MAP7: variants seen among roughly 807,000 people sequenced by gnomAD.
MAP7 encodes the protein ensconsin.
A neutral mutation model predicts 94.8 loss-of-function variants in MAP7; 52 were observed. The observed-to-expected ratio is 0.55, with a 90% confidence interval of 0.44 to 0.69. MAP7 has a LOEUF of 0.69. Ranked by LOEUF, MAP7 falls within the 30% of genes least tolerant of loss-of-function variation. The probability of loss-of-function intolerance (pLI) is 0.00; values close to 1 mark genes in which losing one functional copy is unlikely to be tolerated. For missense variants in MAP7, 940 were observed against 964.6 expected (o/e 0.97, Z 0.34); for synonymous variants, 350 against 357.0 (o/e 0.98, Z 0.22).
intron 1 of MAP7, among the ~76,000 whole-genome samples, chr6:136,511,292 TCTACTGTGGTGTCACAGAAGAATCAGAG>T (rs1361357283): frequency 1.3e-5 from 2 of 152,156 alleles, no homozygotes; most frequent in African/African-American, 4.8e-5. Flanking sequence ...GATAGGATTT[TCTACTGTGGTGTCACAGAAGAATCAGAG>T]CTAGCAAATT....
intron 1 of MAP7, among the ~76,000 whole-genome samples, chr6:136,542,886 G>A (rs1829442432): frequency 6.6e-6 from 1 of 152,160 alleles, no homozygotes; most frequent in Non-Finnish European, 1.5e-5. Context: ...ATTTTACTTT[G>A]AGGTGATTAC....
Position 136,361,037 on chromosome 6 carries a change from C to A in MAP7, c.1669G>T (p.Glu557Ter). ...TGGGCGCGCTCTGCCTCCTCCCGCT[C>A]GCGCAGCGCCCGCTCCTCCGCCTGC... ...QRQAEERALR[E>*]REEAERAQRQ... The change falls in exon 12 of 18, where the codon GAG becomes TAG. Residue 557 changes from glutamate (E) to a stop codon, truncating the protein, a stop_gained. Coordinates refer to ENST00000354570, the MANE Select transcript of MAP7 (RefSeq NM_003980.6). LOFTEE classifies it high-confidence loss of function. 1 of 1,580,834 alleles carries A rather than the reference C, an allele frequency of 6.3e-7. No homozygotes were observed. The highest frequency in any genetic ancestry group is 8.5e-7 in the Non-Finnish European group (1 of 1,169,600).
At chr6:136,514,643 A>G (rs1490581020) in intron 1 of MAP7, among the ~76,000 whole-genome samples, 1 of 151,448 alleles carries the variant, frequency 6.6e-6, no homozygotes, top group Non-Finnish European at 1.5e-5. Flanking sequence ...CATCTCCATC[A>G]GGGTGACCTG....
chr6:136,349,818 G>A (rs72975582), intron 16 of MAP7, among the ~76,000 whole-genome samples: 2,969 of 152,204 alleles, frequency 0.02, 51 homozygotes, highest in Middle Eastern at 0.027. Context: ...GGGGCCAGGC[G>A]TCTCACTCAG....
intron 3 of MAP7, among the ~76,000 whole-genome samples, chr6:136,397,256 G>C (rs1013806757): frequency 1.3e-5 from 2 of 151,694 alleles, no homozygotes; most frequent in African/African-American, 4.8e-5. Context: ...TTTATTATAA[G>C]AGATTTAATA....
chr6:136,371,529 T>A (rs1774505034), intron 8 of MAP7, among the ~76,000 whole-genome samples: 1 of 152,256 alleles, frequency 6.6e-6, no homozygotes, highest in Non-Finnish European at 1.5e-5. Flanking sequence ...GGCAAAGCCA[T>A]CAAGCTCTCA....
Position 136,344,179 on chromosome 6 carries a change from T to G in MAP7, c.*49A>C. 1 of 1,043,948 alleles carries G rather than the reference T, an allele frequency of 9.6e-7. No individual in the cohort carries two copies. The highest frequency in any genetic ancestry group is 1.3e-6 in the Non-Finnish European group (1 of 758,640). 64.7% of individuals were successfully genotyped at this position (1,043,948 alleles called of 1,614,324 possible). ...TATAGCAGGAAAGGAATTCCATTAA[T>G]TGTAGAAATTCTCATTAAATTTCAG... On this transcript the variant is annotated 3_prime_UTR_variant, in exon 18 of 18. Transcript: ENST00000354570.
chr6:136,356,090 T>A (rs1300193062), intron 16 of MAP7, among the ~76,000 whole-genome samples: 2 of 152,244 alleles, frequency 1.3e-5, no homozygotes, highest in Non-Finnish European at 1.5e-5. Flanking sequence ...ATGCAATTGT[T>A]ATATACCATT....
Position 136,394,931 on chromosome 6 carries a change from CATATATATATATATATATAT to C in MAP7, c.245-5434_245-5415del, listed in dbSNP as rs144839767. Among the ~76,000 whole-genome samples the C allele has an allele frequency of 1.2e-3, 34 of 27,498 alleles. 1 individual carries two copies. The highest frequency in any genetic ancestry group is 2.4e-3 in the East Asian group (2 of 822). The allele number at this position is 27,498 out of a possible 152,430, so 18.0% of individuals were successfully genotyped here. ...TTTTTATGGTTGAATAATATTCCAT[CATATATATATATATATATAT>C]ATATATATATATATATATATCACAT... On this transcript the variant is annotated intron_variant, in intron 3 of 17. Coordinates refer to ENST00000354570, the MANE Select transcript of MAP7 (RefSeq NM_003980.6).
intron 1 of MAP7, among the ~76,000 whole-genome samples, chr6:136,469,665 C>G (rs893128424): frequency 3.9e-5 from 6 of 152,146 alleles, no homozygotes; most frequent in African/African-American, 1.4e-4. Flanking sequence ...GGATTACAGG[C>G]ATGAGCCACT....
chr6:136,439,545 C>T (rs1385874392), intron 1 of MAP7, among the ~76,000 whole-genome samples: 1 of 152,152 alleles, frequency 6.6e-6, no homozygotes, highest in East Asian at 1.9e-4. Flanking sequence ...CTAGGACGCG[C>T]TTAGATGAAT....
intron 1 of MAP7, among the ~76,000 whole-genome samples, chr6:136,499,122 G>A (rs1386089517): frequency 6.6e-6 from 1 of 152,090 alleles, no homozygotes; most frequent in Non-Finnish European, 1.5e-5. Context: ...GTTTCACCAT[G>A]TTGGCCAGGC....
chr6:136,435,042 C>T (rs956780112), intron 1 of MAP7, among the ~76,000 whole-genome samples: 1 of 152,220 alleles, frequency 6.6e-6, no homozygotes. Flanking sequence ...ATGAAGAGCT[C>T]AGCTAACACT....
chr6:136,350,521 G>A (rs902799064), intron 16 of MAP7, among the ~76,000 whole-genome samples: 6 of 152,224 alleles, frequency 3.9e-5, no homozygotes, highest in African/African-American at 1.4e-4. Flanking sequence ...GTTTATTCAT[G>A]AATGGGAAGC....
rs1483166610 is a variant in MAP7, at chr6:136,345,965, G to A, written c.2130C>T (p.Thr710=). ...IGSKPSRLDV[T]NSESPEIPLN... is the part of the protein sequence containing the mutation. ...AAGGAATTTCTGGGCTCTCACTGTT[G>A]GTGACATCTAATCTGGATGGTTTAG... is the stretch of plus-strand genomic sequence containing the variant. The change falls in exon 17 of 18, where the codon ACC becomes ACT. Residue 710 remains threonine, a synonymous_variant. Transcript: ENST00000354570. 1.9e-6 allele frequency: 3 copies of A among 1,613,550 alleles called. No individual in the cohort carries two copies. The Admixed American group carries it at 5.0e-5, about 27-fold the overall frequency.
intron 8 of MAP7, 90 bp downstream of exon 8, chr6:136,372,411 C>A: frequency 2.0e-6 from 3 of 1,470,844 alleles, no homozygotes; most frequent in Non-Finnish European, 2.8e-6. Context: ...CCCCCTCTTA[C>A]GCCCACACCA....
intron 1 of MAP7, among the ~76,000 whole-genome samples, chr6:136,549,191 T>TC (rs1301458638): frequency 6.6e-6 from 1 of 152,208 alleles, no homozygotes; most frequent in Non-Finnish European, 1.5e-5. Context: ...AAAATAAGCA[T>TC]ACTTGATGGT....
At chr6:136,541,580 C>G (rs569386327) in intron 1 of MAP7, among the ~76,000 whole-genome samples, 3 of 152,298 alleles carry the variant, frequency 2.0e-5, no homozygotes, top group East Asian at 3.9e-4. Flanking sequence ...CTGCTCCCAG[C>G]CTCCTCCCTG....
chr6:136,507,996 C>T (rs1358209445), intron 1 of MAP7, among the ~76,000 whole-genome samples: 2 of 152,156 alleles, frequency 1.3e-5, no homozygotes, highest in Admixed American at 6.5e-5. Context: ...ACTCCTAGTA[C>T]ATTAAAACCT....
Sources: allele counts gnomAD v4.1 joint callset (sites outside exome capture counted in the v4.1 genomes callset), GRCh38; gene constraint gnomAD v4.1.1; transcripts MANE v1.5; gene names NCBI Gene and HGNC (gene_info 2026-07-23, HGNC 2026-07-21).